The following SPHKAP variants were observed in gnomAD, a reference collection of about 807,000 sequenced individuals.
SPHKAP encodes the protein A-kinase anchor protein SPHKAP.
SPHKAP carries 67 observed loss-of-function variants against 137.5 expected under a neutral mutation model. The observed-to-expected ratio is 0.49, with a 90% confidence interval of 0.40 to 0.60. The LOEUF (loss-of-function observed/expected upper bound fraction) is 0.60, where lower values mean the gene tolerates loss of function less well. Ranked by LOEUF, SPHKAP falls within the 20% of genes least tolerant of loss-of-function variation. SPHKAP has a pLI of 0.00. For synonymous variants in SPHKAP, 813 were observed against 785.3 expected, an observed-to-expected ratio of 1.04 and a Z score of -0.59; for missense variants, 2,097 against 2,069.3, an observed-to-expected ratio of 1.01 and a Z score of -0.26.
At chr2:228,111,779 C>G (rs963502453) in intron 2 of SPHKAP, among the ~76,000 whole-genome samples, 4 of 151,876 alleles carry the variant, frequency 2.6e-5, no homozygotes, top group Non-Finnish European at 5.9e-5. Context: ...GAATTTCTGC[C>G]CCAAATTGTT....
intron 3 of SPHKAP, among the ~76,000 whole-genome samples, chr2:228,052,052 A>G (rs1393664302): frequency 6.6e-6 from 1 of 152,216 alleles, no homozygotes; most frequent in Non-Finnish European, 1.5e-5. Flanking sequence ...GCGAGCTCCA[A>G]TAAGTATTTT....
intron 1 of SPHKAP, among the ~76,000 whole-genome samples, chr2:228,172,693 C>T (rs13402484): frequency 0.13 from 20,514 of 152,188 alleles, 1,396 homozygotes; most frequent in East Asian, 0.2. Flanking sequence ...GCCTTATTTA[C>T]ATTTCTTACT....
intron 1 of SPHKAP, among the ~76,000 whole-genome samples, chr2:228,133,728 C>T (rs1252794543): frequency 1.3e-5 from 2 of 152,148 alleles, no homozygotes; most frequent in Admixed American, 1.3e-4. Context: ...ACCTATAACT[C>T]TCATGTTTCA....
intron 11 of SPHKAP, among the ~76,000 whole-genome samples, chr2:227,988,540 G>T (rs1359179615): frequency 6.6e-6 from 1 of 152,006 alleles, no homozygotes; most frequent in Non-Finnish European, 1.5e-5. Flanking sequence ...TACCGAATGG[G>T]GATTTATGAG....
chr2:228,061,655 C>G (rs928687884), intron 3 of SPHKAP, among the ~76,000 whole-genome samples: 1 of 151,872 alleles, frequency 6.6e-6, no homozygotes, highest in Admixed American at 6.6e-5. Context: ...ATATGGAATT[C>G]AAACAAAGAT....
intron 1 of SPHKAP, among the ~76,000 whole-genome samples, chr2:228,180,038 C>CA (rs1386144650): frequency 6.6e-6 from 1 of 152,120 alleles, no homozygotes; most frequent in African/African-American, 2.4e-5. Flanking sequence ...CATGACTTTC[C>CA]AAACACCTTA....
chr2:228,075,617 AG>A (rs1380808516), intron 3 of SPHKAP, among the ~76,000 whole-genome samples: 3 of 152,210 alleles, frequency 2.0e-5, no homozygotes, highest in Non-Finnish European at 2.9e-5. Flanking sequence ...AGATTTATGT[AG>A]GAACCAGTAT....
At chr2:228,034,542 C>T (rs1175723842) in intron 3 of SPHKAP, among the ~76,000 whole-genome samples, 3 of 152,128 alleles carry the variant, frequency 2.0e-5, no homozygotes, top group Non-Finnish European at 4.4e-5. Flanking sequence ...AGGCCAGCAT[C>T]ATCCTGATAC....
At chr2:228,135,747 T>A (rs1388777680) in intron 1 of SPHKAP, among the ~76,000 whole-genome samples, 1 of 152,186 alleles carries the variant, frequency 6.6e-6, no homozygotes, top group Non-Finnish European at 1.5e-5. Context: ...TAGTTGTTCA[T>A]TGTTGTGAGT....
chr2:228,044,858 G>A (rs1403652928), intron 3 of SPHKAP, among the ~76,000 whole-genome samples: 1 of 152,020 alleles, frequency 6.6e-6, no homozygotes, highest in Non-Finnish European at 1.5e-5. Context: ...TCTGACAAAG[G>A]GCTAATATCC....
At chr2:228,048,844 G>T (rs1186839191) in intron 3 of SPHKAP, among the ~76,000 whole-genome samples, 1 of 152,124 alleles carries the variant, frequency 6.6e-6, no homozygotes, top group Non-Finnish European at 1.5e-5. Context: ...TTTTATTGGG[G>T]TTGTTTTTTC....
chr2:228,100,368 A>G (rs559924297), intron 3 of SPHKAP, among the ~76,000 whole-genome samples: 6 of 152,202 alleles, frequency 3.9e-5, no homozygotes, highest in African/African-American at 1.4e-4. Context: ...ATCCAGTACA[A>G]TGTTGAATGG....
intron 2 of SPHKAP, chr2:228,131,243 A>G: frequency 2.1e-6 from 2 of 960,388 alleles, no homozygotes; most frequent in Non-Finnish European, 2.5e-6. Flanking sequence ...TTATAATTTA[A>G]TATTTTTGCA....
At chr2:227,985,497 G>T (rs1304448247) in intron 11 of SPHKAP, among the ~76,000 whole-genome samples, 2 of 152,088 alleles carry the variant, frequency 1.3e-5, no homozygotes, top group Admixed American at 1.3e-4. Flanking sequence ...TCATGCTATT[G>T]CCTGGGTATT....
chr2:228,172,770 G>A (rs1700622400), intron 1 of SPHKAP, among the ~76,000 whole-genome samples: 2 of 152,126 alleles, frequency 1.3e-5, no homozygotes, highest in African/African-American at 4.8e-5. Context: ...CTGAAACTCA[G>A]GCTGTTGGAA....
intron 3 of SPHKAP, among the ~76,000 whole-genome samples, chr2:228,048,628 A>G (rs1291181547): frequency 6.6e-6 from 1 of 152,158 alleles, no homozygotes; most frequent in East Asian, 1.9e-4. Flanking sequence ...AGACTCACAA[A>G]TACTTACCAT....
At chr2:227,997,561 G>C in intron 7 of SPHKAP, among the ~76,000 whole-genome samples, 1 of 152,052 alleles carries the variant, frequency 6.6e-6, no homozygotes, top group East Asian at 1.9e-4. Context: ...AATTCATTAA[G>C]TCTAATAACA....
chr2:228,132,667 G>A (rs1365155478), intron 1 of SPHKAP: 3 of 164,960 alleles, frequency 1.8e-5, no homozygotes, highest in Non-Finnish European at 3.8e-5. Flanking sequence ...TTCTTAATGG[G>A]CTTGACTACG....
At chr2:228,091,628 A>G (rs115093807) in intron 3 of SPHKAP, among the ~76,000 whole-genome samples, 3,428 of 152,316 alleles carry the variant, frequency 0.023, 57 homozygotes, top group South Asian at 0.052. Flanking sequence ...GACAATTCTG[A>G]AAAGAAGATA....
Sources: gnomAD v4.1 joint callset for allele counts (sites outside exome capture counted in the v4.1 genomes callset) on GRCh38, gnomAD v4.1.1 for gene constraint, MANE v1.5 for transcripts, NCBI Gene and HGNC (gene_info 2026-07-23, HGNC 2026-07-21) for gene names.